Variants in PRKD1 observed in about 807,000 individuals in gnomAD.
The protein encoded by PRKD1 is serine/threonine-protein kinase D1.
Under a neutral mutation model 95.9 loss-of-function variants are expected in PRKD1, and 63 were observed. The ratio of observed to expected loss-of-function variants is 0.66; its 90% confidence interval spans 0.54 to 0.81. The LOEUF (loss-of-function observed/expected upper bound fraction) is 0.81, where lower values mean the gene tolerates loss of function less well. Among genes scored for constraint, PRKD1 ranks in the 30% least tolerant of loss-of-function variants. PRKD1 has a pLI of 0.00. For missense variants in PRKD1, 1,048 were observed against 1,165.3 expected, an observed-to-expected ratio of 0.90 and a Z score of 1.47; for synonymous variants, 425 against 423.1, an observed-to-expected ratio of 1.00 and a Z score of -0.05.
chr14:29,892,034 T>C (rs1488959371), intron 1 of PRKD1, among the ~76,000 whole-genome samples: 1 of 152,224 alleles, frequency 6.6e-6, no homozygotes, highest in African/African-American at 2.4e-5. Context: ...GACTCCACTT[T>C]GGCATAAATT....
chr14:29,866,845 G>A (rs1305477578), intron 1 of PRKD1, among the ~76,000 whole-genome samples: 5 of 152,116 alleles, frequency 3.3e-5, no homozygotes, highest in East Asian at 1.9e-4. Flanking sequence ...TGTGAGCACC[G>A]GATTTTGTTT....
intron 2 of PRKD1, among the ~76,000 whole-genome samples, chr14:29,713,113 T>A (rs926478791): frequency 6.6e-6 from 1 of 152,176 alleles, no homozygotes; most frequent in Non-Finnish European, 1.5e-5. Flanking sequence ...TTGTCGTGTG[T>A]GTCTGTGTGT....
rs146648611 is a variant in PRKD1, at chr14:29,711,516, C to A, written c.403+14020G>T. On this transcript the variant is annotated intron_variant, in intron 2 of 17. Coordinates refer to ENST00000331968, the MANE Select transcript of PRKD1 (RefSeq NM_002742.3). ...AGAAACCACTACATGTAATATGAAA[C>A]GGGGAGATTCACATAATTTTAACTT... Among the ~76,000 whole-genome samples the A allele has an allele frequency of 1.9e-3, 286 of 152,186 alleles. 1 individual carries two copies. Among genetic ancestry groups the A allele is most frequent in the Middle Eastern group, 6.8e-3 (2 of 294 alleles).
At chr14:29,796,908 A>T (rs931037219) in intron 1 of PRKD1, among the ~76,000 whole-genome samples, 2 of 152,230 alleles carry the variant, frequency 1.3e-5, no homozygotes, top group African/African-American at 4.8e-5. Context: ...AAGGGAGGTT[A>T]ACAGGTGTAA....
intron 1 of PRKD1, among the ~76,000 whole-genome samples, chr14:29,790,674 G>A (rs186945916): frequency 6.6e-6 from 1 of 152,150 alleles, no homozygotes; most frequent in Non-Finnish European, 1.5e-5. Context: ...TAAAGAACTT[G>A]GAATCACTGT....
At chr14:29,807,168 C>T (rs947575475) in intron 1 of PRKD1, among the ~76,000 whole-genome samples, 15 of 152,054 alleles carry the variant, frequency 9.9e-5, no homozygotes, top group Admixed American at 5.2e-4. Flanking sequence ...AATCTGATGC[C>T]GCTGATCTGA....
chr14:29,685,328 G>A lies in PRKD1; in HGVS notation c.404-19120C>T, dbSNP rs1883794528. On this transcript the variant is annotated intron_variant, in intron 2 of 17. Transcript: ENST00000331968. ...TGTTATTCCAAATGTATTTGAGAAA[G>A]TGAATGCCAAACTAAATGCATTTAA... Among the ~76,000 whole-genome samples, 6 of 152,206 alleles carry A rather than the reference G, an allele frequency of 3.9e-5. No homozygotes were observed. The South Asian group carries it at 1.2e-3, about 31-fold the overall frequency.
chr14:29,854,612 G>A (rs1255646532), intron 1 of PRKD1, among the ~76,000 whole-genome samples: 2 of 152,200 alleles, frequency 1.3e-5, no homozygotes, highest in Non-Finnish European at 2.9e-5. Flanking sequence ...ATTTTCTGAG[G>A]AGAAATTCAA....
chr14:29,860,985 T>C (rs1019301377), intron 1 of PRKD1, among the ~76,000 whole-genome samples: 10 of 152,184 alleles, frequency 6.6e-5, no homozygotes, highest in African/African-American at 2.2e-4. Flanking sequence ...TAAAAGAATA[T>C]ACCAGTCCAA....
chr14:29,907,338 A>C (rs1400950271), intron 1 of PRKD1, among the ~76,000 whole-genome samples: 2 of 152,246 alleles, frequency 1.3e-5, no homozygotes, highest in Non-Finnish European at 2.9e-5. Flanking sequence ...CAATTACTAG[A>C]AAGCAAAGAG....
chr14:29,608,225 AG>A (rs1878156734), intron 13 of PRKD1, among the ~76,000 whole-genome samples: 1 of 152,140 alleles, frequency 6.6e-6, no homozygotes, highest in Non-Finnish European at 1.5e-5. Flanking sequence ...GAAGATGTAT[AG>A]GGCTTCATAT....
chr14:29,706,083 C>G (rs1168143467), intron 2 of PRKD1, among the ~76,000 whole-genome samples: 1 of 152,058 alleles, frequency 6.6e-6, no homozygotes, highest in African/African-American at 2.4e-5. Context: ...GGGTTCCAAT[C>G]TTTCCACATC....
At chr14:29,616,791 C>T (rs1336636053) in intron 13 of PRKD1, among the ~76,000 whole-genome samples, 3 of 152,144 alleles carry the variant, frequency 2.0e-5, no homozygotes, top group East Asian at 1.9e-4. Flanking sequence ...ATATTTCACA[C>T]CTTTTTAAAA....
At chr14:29,752,680 A>C (rs1245103138) in intron 1 of PRKD1, among the ~76,000 whole-genome samples, 5 of 152,128 alleles carry the variant, frequency 3.3e-5, no homozygotes, top group Admixed American at 3.3e-4. Flanking sequence ...TGAGGGCATC[A>C]CCAACTTAAT....
chr14:29,764,205 T>C (rs1358767321), intron 1 of PRKD1, among the ~76,000 whole-genome samples: 1 of 151,898 alleles, frequency 6.6e-6, no homozygotes, highest in Non-Finnish European at 1.5e-5. Flanking sequence ...ACATGCTTGG[T>C]AAAGAACCAT....
At chr14:29,672,148 C>A (rs1344405198) in intron 2 of PRKD1, among the ~76,000 whole-genome samples, 1 of 151,978 alleles carries the variant, frequency 6.6e-6, no homozygotes, top group Non-Finnish European at 1.5e-5. Context: ...CCAGACCATC[C>A]TGGCTAACAC....
At chr14:29,689,964 G>A (rs1884133408) in intron 2 of PRKD1, among the ~76,000 whole-genome samples, 1 of 152,154 alleles carries the variant, frequency 6.6e-6, no homozygotes, top group South Asian at 2.1e-4. Flanking sequence ...ACTGGGGCCT[G>A]TCACCGGGTT....
In PRKD1 at chr14:29,870,118, C is replaced by T. The variant is rs1160687984; in HGVS notation, c.264+57131G>A. ...CTTGGTTCAGATTTCCTCCATATTT[C>T]ATGAAATCCATCAAACAAATGCCCA... On this transcript the variant is annotated intron_variant, in intron 1 of 17. Transcript: ENST00000331968. Among the ~76,000 whole-genome samples the T allele has an allele frequency of 2.0e-5, 3 of 152,178 alleles. No individual in the cohort carries two copies. The East Asian group carries it at 5.8e-4, about 29-fold the overall frequency.
intron 1 of PRKD1, among the ~76,000 whole-genome samples, chr14:29,758,831 T>C (rs187153458): frequency 2.7e-3 from 410 of 152,320 alleles, no homozygotes; most frequent in Admixed American, 8.5e-3. Context: ...ATGGAGAACA[T>C]GCAAATTTTG....
Sources: gnomAD v4.1 joint callset for allele counts (sites outside exome capture counted in the v4.1 genomes callset) on GRCh38, gnomAD v4.1.1 for gene constraint, MANE v1.5 for transcripts, NCBI Gene and HGNC (gene_info 2026-07-23, HGNC 2026-07-21) for gene names.